Variants in DEPDC1 observed in about 807,000 individuals in gnomAD.
DEPDC1 encodes DEP domain containing 1, also known as DEP domain-containing protein 1A.
Under a neutral mutation model 86.8 loss-of-function variants are expected in DEPDC1, and 66 were observed. That is an observed-to-expected ratio of 0.76 (90% CI 0.62 to 0.93). The LOEUF (loss-of-function observed/expected upper bound fraction) is 0.93, where lower values mean the gene tolerates loss of function less well. Ranked by LOEUF, DEPDC1 falls within the 40% of genes least tolerant of loss-of-function variation. DEPDC1 has a pLI of 0.00. For synonymous variants in DEPDC1, 255 were observed against 314.9 expected (o/e 0.81, Z 2.02); for missense variants, 792 against 935.7 (o/e 0.85, Z 2.00).
Position 68,477,759 on chromosome 1 carries a change from A to C in DEPDC1, c.2298+28T>G, listed in dbSNP as rs3790476. 1.4e-4 allele frequency: 190 copies of C among 1,352,612 alleles called. No homozygotes were observed. The highest frequency in any genetic ancestry group is 1.8e-4 in the Non-Finnish European group (183 of 1,008,822). 83.8% of individuals were successfully genotyped at this position (1,352,612 alleles called of 1,614,324 possible). A position where few individuals can be genotyped will look rare whatever the true frequency, so the allele number is the denominator to read the frequency against. On this transcript the variant is annotated intron_variant, in intron 11 of 11. Coordinates refer to ENST00000456315, the MANE Select transcript of DEPDC1 (RefSeq NM_001114120.3). Reference sequence around the variant, plus strand: ...GAACAGCACATTAGAAAATGTTTACATGATTGAGAACTTGCTCATTCTCTT... The same window carrying C: ...GAACAGCACATTAGAAAATGTTTACCTGATTGAGAACTTGCTCATTCTCTT...
At chr1:68,487,493 A>G (rs1037135512) in intron 5 of DEPDC1, among the ~76,000 whole-genome samples, 1 of 152,028 alleles carries the variant, frequency 6.6e-6, no homozygotes, top group African/African-American at 2.4e-5. Context: ...ATAGAAATCT[A>G]GCATTTTTTT....
rs1209064033 is a variant in DEPDC1 at position 68,474,931 on chromosome 1, G to A, written c.*2001C>T. ...TGGTTCATGTCTGTCCAAAGCAACA[G>A]AAAGGACCACATTTTTGCTAAGATC... is the stretch of plus-strand genomic sequence containing the variant. On this transcript the variant is annotated 3_prime_UTR_variant, in exon 12 of 12. Transcript: ENST00000456315. The A allele has an allele frequency of 6.6e-6, 1 of 152,050 alleles. No homozygotes were observed. The highest frequency in any genetic ancestry group is 6.6e-5 in the Admixed American group (1 of 15,246). 9.4% of individuals were successfully genotyped at this position (152,050 alleles called of 1,614,324 possible). A position where few individuals can be genotyped will look rare whatever the true frequency, so the allele number is the denominator to read the frequency against.
At chr1:68,479,452 G>T in intron 9 of DEPDC1, 132 bp from the exon 10 acceptor site, 1 of 608,036 alleles carries the variant, frequency 1.6e-6, no homozygotes, top group Non-Finnish European at 2.8e-6. Flanking sequence ...TAAAAATGAG[G>T]ACAACGATTT....
rs768135559 is a variant in DEPDC1, at chr1:68,474,295, GTAGA to G, written c.*2633_*2636del. The stretch of plus-strand genomic sequence containing the variant: ...TTCACTACAATCACAACTCAGTTAG[GTAGA>G]TACTTTAATTCACATTTTACAGATG... On this transcript the variant is annotated 3_prime_UTR_variant, in exon 12 of 12. Coordinates refer to ENST00000456315, the MANE Select transcript of DEPDC1 (RefSeq NM_001114120.3). The G allele has an allele frequency of 7.9e-5, 12 of 152,052 alleles. No homozygotes were observed. Among genetic ancestry groups the G allele is most frequent in the Non-Finnish European group, 1.8e-4 (12 of 67,978 alleles). 9.4% of individuals were successfully genotyped at this position (152,052 alleles called of 1,614,324 possible).
At chr1:68,495,729 C>T (rs1358414813) in intron 1 of DEPDC1, among the ~76,000 whole-genome samples, 1 of 152,182 alleles carries the variant, frequency 6.6e-6, no homozygotes, top group Non-Finnish European at 1.5e-5. Flanking sequence ...AGCTCTGCCA[C>T]TATTGTTTAT....
chr1:68,482,001 A>C (rs370058783), intron 8 of DEPDC1, 45 bp downstream of exon 8: 100 of 1,504,950 alleles, frequency 6.6e-5, no homozygotes, highest in Non-Finnish European at 8.7e-5. Flanking sequence ...AGAGTTAGTA[A>C]ACACTCAAAG....
chr1:68,487,977 G>A (rs1250989462), intron 5 of DEPDC1, among the ~76,000 whole-genome samples: 1 of 151,688 alleles, frequency 6.6e-6, no homozygotes, highest in East Asian at 1.9e-4. Flanking sequence ...CTGTTAATTT[G>A]TACATAACTA....
chr1:68,490,186 T>C (rs1646220276), intron 2 of DEPDC1, among the ~76,000 whole-genome samples: 1 of 152,148 alleles, frequency 6.6e-6, no homozygotes. Flanking sequence ...TAAACTTGTG[T>C]TGTGGAGGTT....
chr1:68,496,272 C>T lies in DEPDC1; in HGVS notation c.48+680G>A, dbSNP rs1646264411. Among the ~76,000 whole-genome samples, 1 of 152,158 alleles carries T rather than the reference C, an allele frequency of 6.6e-6. No homozygotes were observed. The highest frequency in any genetic ancestry group is 1.5e-5 in the Non-Finnish European group (1 of 68,028). On this transcript the variant is annotated intron_variant, in intron 1 of 11. Transcript: ENST00000456315. The surrounding 1 kb of genome is among the most constrained non-coding windows in gnomAD (Gnocchi z 4.0). Reference sequence around the variant, plus strand: ...GGCAAGCATGTATTAGTAACCTTTACCAATGTGGAAACAGGCTCACAGAAG... The same window carrying T: ...GGCAAGCATGTATTAGTAACCTTTATCAATGTGGAAACAGGCTCACAGAAG...
In DEPDC1 at chr1:68,484,073, T is replaced by C; in HGVS notation, c.787A>G (p.Met263Val). 4 of 1,571,902 alleles carry C rather than the reference T, an allele frequency of 2.5e-6. No individual in the cohort carries two copies. The highest frequency in any genetic ancestry group is 2.6e-6 in the Non-Finnish European group (3 of 1,165,376). Reference sequence around the variant, plus strand: ...AATCCAACATAAGTTGGATTATTCATATCATTGCTTCTTGGCCCTAAGAAG... The same window carrying C: ...AATCCAACATAAGTTGGATTATTCACATCATTGCTTCTTGGCCCTAAGAAG... ...CLANWPRSND[M>V]NNPTYVGFER... The change falls in exon 7 of 12, where the codon ATG becomes GTG. Residue 263 changes from methionine to valine, a missense_variant. Coordinates refer to ENST00000456315, the MANE Select transcript of DEPDC1 (RefSeq NM_001114120.3).
In DEPDC1 at chr1:68,494,642, T is replaced by C. The variant is rs780087257; in HGVS notation, c.102A>G (p.Arg34=). ...AATTGCCATATTTTTTAAAGTGTTG[T>C]CTGTGTTTTCTTAGAGGCATTCCTG... The part of the protein sequence containing the change: ...FRAGMPLRKH[R]QHFKKYGNCF... Residue 34 remains arginine, a synonymous_variant, in exon 2 of 12, where the codon AGA becomes AGG. Transcript: ENST00000456315. The C allele has an allele frequency of 1.5e-5, 24 of 1,613,622 alleles. No individual in the cohort carries two copies. The highest frequency in any genetic ancestry group is 1.9e-5 in the Non-Finnish European group (22 of 1,179,726).
Position 68,481,423 on chromosome 1 carries a change from A to G in DEPDC1, c.1935+17T>C. 2 of 1,601,316 alleles carry G rather than the reference A, an allele frequency of 1.2e-6. No homozygotes were observed. The highest frequency in any genetic ancestry group is 1.7e-6 in the Non-Finnish European group (2 of 1,173,014). On this transcript the variant is annotated intron_variant, in intron 9 of 11. Transcript: ENST00000456315. ...TTTATGAATCAGACTTATTCTTTCT[A>G]TAAGAAATCAACTTACCAGTGACCT...
chr1:68,481,186 T>A (rs146983412), intron 9 of DEPDC1, among the ~76,000 whole-genome samples: 2 of 152,114 alleles, frequency 1.3e-5, no homozygotes, highest in African/African-American at 4.8e-5. Flanking sequence ...TCAATCACTA[T>A]GAAGTGATTC....
At chr1:68,495,297 TAAGG>T (rs1217561226) in intron 1 of DEPDC1, among the ~76,000 whole-genome samples, 1 of 152,178 alleles carries the variant, frequency 6.6e-6, no homozygotes, top group Non-Finnish European at 1.5e-5. Context: ...AATCTGGAAA[TAAGG>T]AAGAACTACA....
chr1:68,491,935 T>C, intron 2 of DEPDC1, among the ~76,000 whole-genome samples: 1 of 151,580 alleles, frequency 6.6e-6, no homozygotes, highest in Non-Finnish European at 1.5e-5. Context: ...TTTTTTTTTT[T>C]TTGTAGAGAC....
chr1:68,484,307 C>T (rs958634174), intron 6 of DEPDC1, among the ~76,000 whole-genome samples: 1 of 151,812 alleles, frequency 6.6e-6, no homozygotes, highest in African/African-American at 2.4e-5. Flanking sequence ...ATTTGTATAC[C>T]TGAAAAATCA....
Position 68,496,695 on chromosome 1 carries a change from C to T in DEPDC1, c.48+257G>A. The T allele has an allele frequency of 2.4e-6, 1 of 424,642 alleles. No individual in the cohort carries two copies. The highest frequency in any genetic ancestry group is 4.2e-6 in the Non-Finnish European group (1 of 236,924). The allele number at this position is 424,642 out of a possible 1,614,324, so 26.3% of individuals were successfully genotyped here. On this transcript the variant is annotated intron_variant, in intron 1 of 11. Coordinates refer to ENST00000456315, the MANE Select transcript of DEPDC1 (RefSeq NM_001114120.3). The surrounding 1 kb of genome is among the most constrained non-coding windows in gnomAD (Gnocchi z 4.0). ...CACACCAGGCACAGGAGTCGCTCCTCATAGCGAGTCTGGTGCGGCCTACGC... is the reference window on the plus strand; with the variant it reads ...CACACCAGGCACAGGAGTCGCTCCTTATAGCGAGTCTGGTGCGGCCTACGC...
chr1:68,494,720 T>A, intron 1 of DEPDC1, 25 bp from the exon 2 acceptor site: 1 of 1,574,314 alleles, frequency 6.4e-7, no homozygotes, highest in Non-Finnish European at 8.6e-7. Context: ...AAAATATTTT[T>A]AAAAAATTGA....
chr1:68,477,715 A>G, intron 11 of DEPDC1, 72 bp downstream of exon 11: 2 of 990,386 alleles, frequency 2.0e-6, no homozygotes, highest in South Asian at 5.7e-5. Context: ...AGTAGATTCT[A>G]AATGTTATTA....
Sources: allele counts gnomAD v4.1 joint callset (sites outside exome capture counted in the v4.1 genomes callset), GRCh38; gene constraint gnomAD v4.1.1; non-coding constraint Gnocchi (gnomAD v3.1); transcripts MANE v1.5; gene names NCBI Gene and HGNC (gene_info 2026-07-23, HGNC 2026-07-21).